Variants in GRM1 observed in about 807,000 individuals in gnomAD.
GRM1 encodes glutamate metabotropic receptor 1.
Under a neutral mutation model 90.9 loss-of-function variants are expected in GRM1, and 33 were observed. That is an observed-to-expected ratio of 0.36 (90% CI 0.28 to 0.49). The LOEUF (loss-of-function observed/expected upper bound fraction) is 0.49. Among genes scored for constraint, GRM1 ranks in the 20% least tolerant of loss-of-function variants. The pLI, the probability that GRM1 is intolerant of heterozygous loss-of-function variation, is 0.99. For synonymous variants in GRM1, 700 were observed against 613.2 expected (o/e 1.14, Z -2.09); for missense variants, 1,190 against 1,534.3 (o/e 0.78, Z 3.75).
chr6:146,436,272 C>G lies in GRM1; in HGVS notation c.*1476C>G, dbSNP rs1453843103. 2.0e-5 allele frequency: 3 copies of G among 152,098 alleles called. No homozygotes were observed. The highest frequency in any genetic ancestry group is 4.2e-4 in the South Asian group (2 of 4,816). The allele number at this position is 152,098 out of a possible 1,614,324, so 9.4% of individuals were successfully genotyped here. On this transcript the variant is annotated 3_prime_UTR_variant, in exon 8 of 8. Transcript: ENST00000282753. ...TGGACATTTTTCTTCTAAGATGGAACTTATTTTTCAGATATTTTCTGATGT... is the reference window on the plus strand; with the variant it reads ...TGGACATTTTTCTTCTAAGATGGAAGTTATTTTTCAGATATTTTCTGATGT...
At chr6:146,096,448 C>T (rs1362290877) in intron 1 of GRM1, among the ~76,000 whole-genome samples, 1 of 152,174 alleles carries the variant, frequency 6.6e-6, no homozygotes, top group East Asian at 1.9e-4. Flanking sequence ...AGGGTGCATT[C>T]CCAGCTGCTG....
At chr6:146,184,097 A>G (rs1778640298) in intron 2 of GRM1, among the ~76,000 whole-genome samples, 1 of 152,210 alleles carries the variant, frequency 6.6e-6, no homozygotes, top group Admixed American at 6.5e-5. Context: ...CCTCGGACAT[A>G]TAATAGCACT....
chr6:146,310,148 G>A (rs1783724178), intron 3 of GRM1, among the ~76,000 whole-genome samples: 1 of 152,234 alleles, frequency 6.6e-6, no homozygotes, highest in Admixed American at 6.5e-5. Context: ...ATGATAGCTA[G>A]TCTAGTGAAA....
At chr6:146,366,908 A>C (rs2115079922) in intron 5 of GRM1, among the ~76,000 whole-genome samples, 1 of 152,178 alleles carries the variant, frequency 6.6e-6, no homozygotes, top group Non-Finnish European at 1.5e-5. Context: ...AGCTTGATAT[A>C]ATCTCATTTG....
intron 2 of GRM1, among the ~76,000 whole-genome samples, chr6:146,230,187 A>G (rs1206661385): frequency 6.6e-6 from 1 of 152,232 alleles, no homozygotes; most frequent in African/African-American, 2.4e-5. Flanking sequence ...AAAGCAATAC[A>G]TAAATAACCA....
intron 1 of GRM1, among the ~76,000 whole-genome samples, chr6:146,139,616 A>G (rs1223481258): frequency 6.6e-6 from 1 of 152,100 alleles, no homozygotes; most frequent in Non-Finnish European, 1.5e-5. Context: ...TTTGTCCAAT[A>G]TATCTATTTC....
chr6:146,371,001 C>G (rs1775878602), intron 5 of GRM1, among the ~76,000 whole-genome samples: 1 of 152,046 alleles, frequency 6.6e-6, no homozygotes, highest in South Asian at 2.1e-4. Context: ...AGTTCTATGT[C>G]TCTTTTATTC....
intron 2 of GRM1, among the ~76,000 whole-genome samples, chr6:146,303,778 G>GT: frequency 6.6e-6 from 1 of 152,208 alleles, no homozygotes; most frequent in Admixed American, 6.5e-5. Context: ...CTCATATGTT[G>GT]TAATAGTCTT....
intron 2 of GRM1, among the ~76,000 whole-genome samples, chr6:146,206,897 T>C (rs1779515397): frequency 6.6e-6 from 1 of 152,134 alleles, no homozygotes. Flanking sequence ...AATAAGAACA[T>C]GTGGTATTTG....
intron 2 of GRM1, among the ~76,000 whole-genome samples, chr6:146,177,625 C>T (rs1178710941): frequency 6.6e-6 from 1 of 152,068 alleles, no homozygotes; most frequent in African/African-American, 2.4e-5. Context: ...ATTCCTTTCT[C>T]AGTTATCATT....
intron 5 of GRM1, among the ~76,000 whole-genome samples, chr6:146,382,866 G>T (rs1009472014): frequency 7.2e-5 from 11 of 152,156 alleles, no homozygotes; most frequent in African/African-American, 2.7e-4. Context: ...AGATGGCATA[G>T]TCCTTTCCTT....
chr6:146,128,770 A>G (rs1318024670), intron 1 of GRM1, among the ~76,000 whole-genome samples: 1 of 152,206 alleles, frequency 6.6e-6, no homozygotes, highest in Non-Finnish European at 1.5e-5. Flanking sequence ...TGGTGTTTCC[A>G]GAGGTAAACT....
intron 2 of GRM1, among the ~76,000 whole-genome samples, chr6:146,215,012 T>G (rs892388980): frequency 6.6e-6 from 1 of 152,194 alleles, no homozygotes; most frequent in African/African-American, 2.4e-5. Flanking sequence ...AAATACACCT[T>G]ATAATGGAGC....
At position 146,029,469 on chromosome 6, in the gene GRM1, A is replaced by C. The variant is rs753366615; in HGVS notation, c.-49A>C. 1 of 1,446,676 alleles carries C rather than the reference A, an allele frequency of 6.9e-7. No individual in the cohort carries two copies. The highest frequency in any genetic ancestry group is 2.3e-5 in the East Asian group (1 of 44,076). The allele number at this position is 1,446,676 out of a possible 1,614,324, so 89.6% of individuals were successfully genotyped here. Reference sequence around the variant, plus strand: ...GTGCGCGCCGGGAGCCTGCAGCGGGACCAGCGTGGGAACGCGGCTGGCAGG... The same window carrying C: ...GTGCGCGCCGGGAGCCTGCAGCGGGCCCAGCGTGGGAACGCGGCTGGCAGG... On this transcript the variant is annotated 5_prime_UTR_variant, in exon 1 of 8. Coordinates refer to ENST00000282753, the MANE Select transcript of GRM1 (RefSeq NM_001278064.2).
intron 5 of GRM1, among the ~76,000 whole-genome samples, chr6:146,382,149 G>T (rs915367612): frequency 6.6e-6 from 1 of 152,050 alleles, no homozygotes; most frequent in African/African-American, 2.4e-5. Context: ...CTATGACTCA[G>T]AGTTGACATA....
At chr6:146,090,831 G>A (rs1378264352) in intron 1 of GRM1, among the ~76,000 whole-genome samples, 1 of 151,958 alleles carries the variant, frequency 6.6e-6, no homozygotes, top group Admixed American at 6.6e-5. Flanking sequence ...CCACATTCTG[G>A]CCCATGGTTT....
intron 1 of GRM1, among the ~76,000 whole-genome samples, chr6:146,133,733 C>T (rs777092108): frequency 1.3e-5 from 2 of 152,176 alleles, no homozygotes; most frequent in Non-Finnish European, 2.9e-5. Flanking sequence ...ACCTTTTGTG[C>T]AATCCTGTGC....
intron 3 of GRM1, among the ~76,000 whole-genome samples, chr6:146,343,490 A>G (rs1435684016): frequency 6.6e-6 from 1 of 152,006 alleles, no homozygotes; most frequent in Non-Finnish European, 1.5e-5. Context: ...TTAATCATTT[A>G]TTTATATCAG....
chr6:146,089,076 G>C (rs886352638), intron 1 of GRM1, among the ~76,000 whole-genome samples: 1 of 152,046 alleles, frequency 6.6e-6, no homozygotes, highest in Non-Finnish European at 1.5e-5. Flanking sequence ...AAGGTAAAGG[G>C]AGGTCACTTC....
Sources: gnomAD v4.1 joint callset for allele counts (sites outside exome capture counted in the v4.1 genomes callset) on GRCh38, gnomAD v4.1.1 for gene constraint, MANE v1.5 for transcripts, NCBI Gene and HGNC (gene_info 2026-07-23, HGNC 2026-07-21) for gene names.